The following ZFAT variants were observed in gnomAD, a reference collection of about 807,000 sequenced individuals.
ZFAT encodes the protein zinc finger protein ZFAT.
Under a neutral mutation model 117.7 loss-of-function variants are expected in ZFAT, and 64 were observed. The ratio of observed to expected loss-of-function variants is 0.54; its 90% confidence interval spans 0.44 to 0.67. The LOEUF (loss-of-function observed/expected upper bound fraction) is 0.67, where lower values mean the gene tolerates loss of function less well. ZFAT is among the 30% of genes least tolerant of loss of function. ZFAT has a pLI of 0.00. For missense variants in ZFAT, 1,433 were observed against 1,584.5 expected, an observed-to-expected ratio of 0.90 and a Z score of 1.62; for synonymous variants, 679 against 615.0, an observed-to-expected ratio of 1.10 and a Z score of -1.54.
At chr8:134,649,369 A>C (rs1212356365) in intron 2 of ZFAT, among the ~76,000 whole-genome samples, 2 of 152,190 alleles carry the variant, frequency 1.3e-5, no homozygotes, top group African/African-American at 4.8e-5. Flanking sequence ...GAAAAAGTAA[A>C]ATTATCTCTA....
intron 7 of ZFAT, among the ~76,000 whole-genome samples, chr8:134,591,468 A>G (rs913280579): frequency 6.6e-6 from 1 of 152,214 alleles, no homozygotes; most frequent in Non-Finnish European, 1.5e-5. Flanking sequence ...CTTTGCTCTC[A>G]GCGCTCACTT....
intron 2 of ZFAT, among the ~76,000 whole-genome samples, chr8:134,639,087 T>C (rs1205655749): frequency 6.6e-6 from 1 of 152,188 alleles, no homozygotes; most frequent in Non-Finnish European, 1.5e-5. Context: ...CTACTGCTAT[T>C]ACCATGAGGA....
intron 11 of ZFAT, among the ~76,000 whole-genome samples, chr8:134,555,943 A>T (rs1033578392): frequency 1.4e-5 from 2 of 145,082 alleles, no homozygotes; most frequent in Non-Finnish European, 3.0e-5. Flanking sequence ...CTCAAGCAAG[A>T]TACAAAAAGA....
At chr8:134,832,249 C>G in the ZFAT span, among the ~76,000 whole-genome samples, 2 of 151,664 alleles carry the variant, frequency 1.3e-5, no homozygotes, top group Non-Finnish European at 2.9e-5. Flanking sequence ...CGGCTCCCTC[C>G]GGTCTCTCTG....
At position 134,667,965 on chromosome 8, in the gene ZFAT, G is replaced by A. The variant is rs147079078; in HGVS notation, c.20-10228C>T. 4.2e-3 allele frequency among the ~76,000 whole-genome samples: 643 copies of A among 152,246 alleles called. 7 individuals are homozygous for A. Among genetic ancestry groups the A allele is most frequent in the East Asian group, 0.036 (188 of 5,176 alleles). On this transcript the variant is annotated intron_variant, in intron 1 of 15. Transcript: ENST00000377838. ...ACAGCACACCAGGAGATTATATCCC[G>A]CGCATGGCTCCGTGGGTCCCATGCC... is the stretch of plus-strand genomic sequence containing the variant.
At chr8:134,553,233 C>A (rs1319229075) in intron 11 of ZFAT, among the ~76,000 whole-genome samples, 4 of 152,172 alleles carry the variant, frequency 2.6e-5, no homozygotes, top group Non-Finnish European at 5.9e-5. Context: ...TCAGCCGGTG[C>A]AGTGACTCAT....
chr8:134,666,519 T>G (rs1394091590), intron 1 of ZFAT, among the ~76,000 whole-genome samples: 1 of 152,138 alleles, frequency 6.6e-6, no homozygotes, highest in African/African-American at 2.4e-5. Context: ...GGCAAGGGCT[T>G]AAAGTAACCA....
intron 1 of ZFAT, among the ~76,000 whole-genome samples, chr8:134,663,010 G>A (rs572845744): frequency 2.0e-5 from 3 of 152,270 alleles, no homozygotes; most frequent in Non-Finnish European, 4.4e-5. Flanking sequence ...ACGCACAAGG[G>A]TGGTGGAGTC....
rs1827480198 is a variant in ZFAT, at chr8:134,601,714, C to T, written c.2005G>A (p.Asp669Asn). The T allele has an allele frequency of 6.2e-7, 1 of 1,612,940 alleles. No homozygotes were observed. ...TTTGACCTGAGACACCTGCTGGGAT[C>T]TGGGTCACCAGCTGAAAGCACAGCC... The part of the protein sequence containing the change: ...NMAVLSAGDP[D>N]PSRCLRSNPA... The change falls in exon 6 of 16, where the codon GAT becomes AAT. Residue 669 changes from aspartate (D) to asparagine (N), a missense_variant. This residue lies in a region of ZFAT where 372 missense variants were observed against 355.6 expected (regional missense o/e 1.05). Coordinates refer to ENST00000377838, the MANE Select transcript of ZFAT (RefSeq NM_020863.4).
At chr8:134,688,718 G>A (rs767524296) in intron 1 of ZFAT, among the ~76,000 whole-genome samples, 19 of 152,080 alleles carry the variant, frequency 1.2e-4, no homozygotes, top group Non-Finnish European at 2.4e-4. Context: ...TGCCACCTTC[G>A]ACTTCCACCC....
intron 1 of ZFAT, among the ~76,000 whole-genome samples, chr8:134,709,516 T>C (rs1018228586): frequency 2.6e-5 from 4 of 152,070 alleles, no homozygotes; most frequent in Non-Finnish European, 4.4e-5. Flanking sequence ...CCTTGAGAAA[T>C]TGCAAATCAG....
At chr8:134,769,611 T>G in the ZFAT span, among the ~76,000 whole-genome samples, 3 of 152,164 alleles carry the variant, frequency 2.0e-5, no homozygotes, top group East Asian at 1.9e-4. Flanking sequence ...CATTCTAGGG[T>G]CTGGAGGATG....
the ZFAT span, among the ~76,000 whole-genome samples, chr8:134,757,806 G>A: frequency 0.012 from 1,799 of 152,260 alleles, 40 homozygotes; most frequent in African/African-American, 0.041. Context: ...CTGCCTCCTG[G>A]TGATGCTGGT....
At chr8:134,486,495 G>T (rs1275393585) in intron 15 of ZFAT, among the ~76,000 whole-genome samples, 1 of 152,132 alleles carries the variant, frequency 6.6e-6, no homozygotes, top group Non-Finnish European at 1.5e-5. Flanking sequence ...ACCATGTCTT[G>T]GAGAACAGCC....
intron 10 of ZFAT, among the ~76,000 whole-genome samples, chr8:134,574,158 G>C (rs771459186): frequency 2.6e-5 from 4 of 152,202 alleles, no homozygotes; most frequent in Admixed American, 2.6e-4. Context: ...TGTGGTAGGT[G>C]GGGGAGCCAG....
the ZFAT span, among the ~76,000 whole-genome samples, chr8:134,802,268 C>T: frequency 6.6e-6 from 1 of 152,148 alleles, no homozygotes; most frequent in Non-Finnish European, 1.5e-5. Flanking sequence ...TAAGCCCAAA[C>T]TGATATTCAA....
chr8:134,616,736 A>T (rs1768222445), intron 3 of ZFAT, among the ~76,000 whole-genome samples: 1 of 152,158 alleles, frequency 6.6e-6, no homozygotes, highest in African/African-American at 2.4e-5. Flanking sequence ...GCTACAAACC[A>T]GCTGGCCTGA....
intron 1 of ZFAT, among the ~76,000 whole-genome samples, chr8:134,663,364 G>GTTA (rs1832037747): frequency 6.6e-6 from 1 of 152,190 alleles, no homozygotes; most frequent in South Asian, 2.1e-4. Flanking sequence ...ATACAATTTT[G>GTTA]TTATTAATGG....
chr8:134,529,135 A>C (rs1821228227), intron 12 of ZFAT, among the ~76,000 whole-genome samples: 1 of 152,158 alleles, frequency 6.6e-6, no homozygotes, highest in South Asian at 2.1e-4. Context: ...GTGATCAAAA[A>C]TCCCGGCCCA....
Sources: gnomAD v4.1 joint callset for allele counts (sites outside exome capture counted in the v4.1 genomes callset) on GRCh38, gnomAD v4.1.1 for gene constraint, gnomAD v4.1.1 regional missense constraint, MANE v1.5 for transcripts, NCBI Gene and HGNC (gene_info 2026-07-23, HGNC 2026-07-21) for gene names.